RYR3: variants seen among roughly 807,000 people sequenced by gnomAD.
RYR3 encodes the protein ryanodine receptor 3, also known as brain ryanodine receptor-calcium release channel.
A neutral mutation model predicts 584.3 loss-of-function variants in RYR3; 207 were observed. The ratio of observed to expected loss-of-function variants is 0.35; its 90% CI spans 0.32 to 0.40. The LOEUF (loss-of-function observed/expected upper bound fraction) is 0.40, where lower values mean the gene tolerates loss of function less well. Ranked by LOEUF, RYR3 falls within the 10% of genes least tolerant of loss-of-function variation. RYR3 has a pLI of 1.00. For missense variants in RYR3, 5,616 were observed against 6,089.2 expected (o/e 0.92, Z 2.59); for synonymous variants, 2,416 against 2,248.5 (o/e 1.07, Z -2.11).
chr15:33,788,053 GACT>G (rs1185830238), intron 66 of RYR3, among the ~76,000 whole-genome samples, 162 bp from the exon 67 acceptor site: 1 of 152,204 alleles, frequency 6.6e-6, no homozygotes, highest in Admixed American at 6.5e-5. Flanking sequence ...CCCTCAAGGT[GACT>G]CTATGAGAGG....
chr15:33,726,753 C>G (rs1271329386), intron 46 of RYR3, among the ~76,000 whole-genome samples: 1 of 152,244 alleles, frequency 6.6e-6, no homozygotes, highest in African/African-American at 2.4e-5. Flanking sequence ...TTGCCCATTT[C>G]TGTGGTATAA....
chr15:33,705,889 G>A (rs1320629531), intron 42 of RYR3, among the ~76,000 whole-genome samples: 1 of 152,168 alleles, frequency 6.6e-6, no homozygotes, highest in African/African-American at 2.4e-5. Flanking sequence ...GCCCCCAGTG[G>A]GCCCTTCTTT....
At chr15:33,635,281 G>A (rs865829428) in intron 25 of RYR3, among the ~76,000 whole-genome samples, 5 of 152,180 alleles carry the variant, frequency 3.3e-5, no homozygotes, top group South Asian at 2.1e-4. Flanking sequence ...TGGGCTCTGT[G>A]ATGTTGAATA....
intron 1 of RYR3, among the ~76,000 whole-genome samples, chr15:33,418,683 G>A (rs968535582): frequency 6.6e-6 from 1 of 152,136 alleles, no homozygotes; most frequent in African/African-American, 2.4e-5. Flanking sequence ...CCTGGAAGCA[G>A]TGTAACTAAG....
At chr15:33,726,321 A>C in intron 45 of RYR3, 65 bp from the exon 46 acceptor site, 1 of 1,589,934 alleles carries the variant, frequency 6.3e-7, no homozygotes, top group South Asian at 1.1e-5. Flanking sequence ...AGAGGTTTGG[A>C]GGTGGGGTGG....
intron 91 of RYR3, among the ~76,000 whole-genome samples, chr15:33,843,210 C>T (rs570092794): frequency 5.3e-5 from 8 of 152,036 alleles, no homozygotes; most frequent in African/African-American, 9.7e-5. Context: ...GTCCCAGCTA[C>T]TCGGGAGGCT....
At chr15:33,454,662 C>A (rs940514591) in intron 1 of RYR3, among the ~76,000 whole-genome samples, 3 of 152,260 alleles carry the variant, frequency 2.0e-5, no homozygotes, top group Admixed American at 2.0e-4. Flanking sequence ...ATGATGGACC[C>A]TCCCAGATTA....
At chr15:33,848,514 T>C (rs534801925) in intron 94 of RYR3, 93 bp downstream of exon 94, 1 of 1,420,370 alleles carries the variant, frequency 7.0e-7, no homozygotes, top group South Asian at 1.5e-5. Context: ...CTGGTTAATA[T>C]AAACTGTCTT....
chr15:33,520,546 T>C (rs1222160999), intron 3 of RYR3, among the ~76,000 whole-genome samples: 2 of 148,712 alleles, frequency 1.3e-5, no homozygotes, highest in African/African-American at 5.0e-5. Context: ...AGAATAAATT[T>C]GGCAACATCA....
chr15:33,367,552 A>G (rs930057645), intron 1 of RYR3, among the ~76,000 whole-genome samples: 6 of 152,246 alleles, frequency 3.9e-5, no homozygotes, highest in African/African-American at 1.4e-4. Context: ...GAGAAGAAAG[A>G]GAAAACAGGG....
intron 69 of RYR3, among the ~76,000 whole-genome samples, chr15:33,802,283 G>A (rs1167032730): frequency 6.6e-6 from 1 of 152,224 alleles, no homozygotes; most frequent in African/African-American, 2.4e-5. Context: ...GTGTAGTGAG[G>A]ATACAGCAAT....
At chr15:33,784,698 C>T (rs2074598206) in intron 65 of RYR3, among the ~76,000 whole-genome samples, 1 of 152,150 alleles carries the variant, frequency 6.6e-6, no homozygotes, top group African/African-American at 2.4e-5. Context: ...AACCTTTGGG[C>T]TTGTGGCTCT....
At chr15:33,354,377 C>G (rs1429814405) in intron 1 of RYR3, among the ~76,000 whole-genome samples, 3 of 152,214 alleles carry the variant, frequency 2.0e-5, no homozygotes, top group African/African-American at 7.2e-5. Flanking sequence ...CTCTTGTTTG[C>G]TTTCTTTCTG....
At chr15:33,779,018 TTGAA>T (rs2074209612) in intron 64 of RYR3, among the ~76,000 whole-genome samples, 1 of 152,234 alleles carries the variant, frequency 6.6e-6, no homozygotes, top group Non-Finnish European at 1.5e-5. Flanking sequence ...GTTTGGTAAC[TTGAA>T]TGAAGACTGG....
Position 33,838,814 on chromosome 15 carries a change from G to C in RYR3, c.12834G>C (p.Met4278Ile). ...IKGEKGDTDI[M>I]SDLFGLHPKK... ...GGGAGAAGGGAGATACAGATATCAT[G>C]TCAGACCTCTTTGGACTCCACCCAA... The change falls in exon 89 of 104, where the codon ATG becomes ATC. Residue 4278 changes from methionine (M) to isoleucine (I), a missense_variant. Met to Ile is a conservative substitution (Grantham distance 10). This residue lies in a region of RYR3 where 918 missense variants were observed against 887.4 expected (regional missense o/e 1.03). Transcript: ENST00000634891. 6.2e-7 allele frequency: 1 copy of C among 1,613,946 alleles called. No homozygotes were observed. Among genetic ancestry groups the C allele is most frequent in the Non-Finnish European group, 8.5e-7 (1 of 1,179,870 alleles).
intron 1 of RYR3, among the ~76,000 whole-genome samples, chr15:33,348,989 C>G (rs1972842036): frequency 6.6e-6 from 1 of 151,834 alleles, no homozygotes; most frequent in African/African-American, 2.4e-5. Context: ...TTTGCCATTT[C>G]CGAAAGGTCA....
chr15:33,832,656 C>CAAA (rs34289866), intron 86 of RYR3, among the ~76,000 whole-genome samples: 20 of 112,200 alleles, frequency 1.8e-4, no homozygotes, highest in Admixed American at 1.4e-3. Flanking sequence ...GACTCTGTCT[C>CAAA]AAAAAAAAAA....
chr15:33,464,572 T>G (rs1334764248), intron 1 of RYR3, among the ~76,000 whole-genome samples: 4 of 148,228 alleles, frequency 2.7e-5, no homozygotes, highest in Non-Finnish European at 5.9e-5. Context: ...AATATGTATT[T>G]AATATATAAT....
At chr15:33,668,380 C>A (rs556627567) in intron 36 of RYR3, among the ~76,000 whole-genome samples, 2 of 151,946 alleles carry the variant, frequency 1.3e-5, no homozygotes, top group South Asian at 4.2e-4. Context: ...AAAAGCTGGG[C>A]CAATACATGT....
Sources: allele counts gnomAD v4.1 joint callset (sites outside exome capture counted in the v4.1 genomes callset), GRCh38; gene constraint gnomAD v4.1.1; regional missense constraint gnomAD v4.1.1; transcripts MANE v1.5; gene names NCBI Gene and HGNC (gene_info 2026-07-23, HGNC 2026-07-21).